NOS2: variants seen among roughly 807,000 people sequenced by gnomAD.
NOS2 encodes the protein nitric oxide synthase, inducible.
NOS2 carries 96 observed loss-of-function variants against 136.0 expected under a neutral mutation model. The ratio of observed to expected loss-of-function variants is 0.71; its 90% confidence interval spans 0.60 to 0.84. NOS2 has a LOEUF of 0.84. Among genes scored for constraint, NOS2 ranks in the 40% least tolerant of loss-of-function variants. The pLI, the probability that NOS2 is intolerant of heterozygous loss-of-function variation, is 0.00. For synonymous variants in NOS2, 539 were observed against 587.5 expected (o/e 0.92, Z 1.20); for missense variants, 1,237 against 1,496.9 (o/e 0.83, Z 2.87).
chr17:27,760,714 G>A lies in NOS2; in HGVS notation c.2919C>T (p.Pro973=). The A allele has an allele frequency of 6.5e-7, 1 of 1,550,200 alleles. No homozygotes were observed. The highest frequency in any genetic ancestry group is 1.2e-5 in the South Asian group (1 of 84,012). Residue 973 remains proline (P), a synonymous_variant, in exon 24 of 27, where the codon CCC becomes CCT. Coordinates refer to ENST00000313735, the MANE Select transcript of NOS2 (RefSeq NM_000625.4). ...NASGFHLPED[P]SHPCILIGPG... ...GCCCGATGAGGATGCAAGGATGGGA[G>A]GGATCCTCGGGGAGGTGGAAGCCGC...
rs535449381 is a variant in NOS2, at chr17:27,760,068, C to T, written c.3121G>A (p.Val1041Met). The change falls in exon 25 of 27, where the codon GTG (valine) becomes ATG (methionine). Residue 1041 changes from valine (V) to methionine (M), a missense_variant. Around this residue, in one of 3 missense-constraint regions of NOS2, gnomAD observed 782 missense variants for 909.9 expected, o/e 0.86. Transcript: ENST00000313735. ...GGCAGGCGGGAATAGGCTGTGTGCACCGCATGCAGCACCCCCTTCTGGGCC... is the reference window on the plus strand; with the variant it reads ...GGCAGGCGGGAATAGGCTGTGTGCATCGCATGCAGCACCCCCTTCTGGGCC... ...EMAQKGVLHA[V>M]HTAYSRLPGK... 1.3e-6 allele frequency: 2 copies of T among 1,594,624 alleles called. No homozygotes were observed. The highest frequency in any genetic ancestry group is 2.3e-5 in the South Asian group (2 of 88,430).
rs1480946865 is a variant in NOS2 at position 27,773,237 on chromosome 17, C to T, written c.1483G>A (p.Ala495Thr). Reference protein sequence around the residue: ...LSPFYYYQVEAWKTHVWQDEK... With the variant: ...LSPFYYYQVETWKTHVWQDEK... ...TCCTGCCAGACATGGGTTTTCCAGG[C>T]CTCTACCTTCAGAAAAGAAAGGAGA... The change falls in exon 13 of 27, where the codon GCC becomes ACC. Residue 495 changes from alanine to threonine, a missense_variant. By Grantham distance (58) the Ala-to-Thr change is moderately conservative. Coordinates refer to ENST00000313735, the MANE Select transcript of NOS2 (RefSeq NM_000625.4). 1 of 1,612,958 alleles carries T rather than the reference C, an allele frequency of 6.2e-7. No individual in the cohort carries two copies. The highest frequency in any genetic ancestry group is 2.2e-5 in the East Asian group (1 of 44,886).
At chr17:27,772,199 C>A in intron 14 of NOS2, 109 bp downstream of exon 14, 1 of 1,217,290 alleles carries the variant, frequency 8.2e-7, no homozygotes, top group Non-Finnish European at 1.2e-6. Context: ...ATGCACATTA[C>A]CACATCCAAG....
chr17:27,786,575 G>A (rs1167390791), intron 5 of NOS2, among the ~76,000 whole-genome samples: 2 of 152,162 alleles, frequency 1.3e-5, no homozygotes, highest in Admixed American at 6.5e-5. Flanking sequence ...TTTGGACAAC[G>A]CAGTGTTCTA....
At chr17:27,792,129 T>C (rs1190797781) in intron 2 of NOS2, among the ~76,000 whole-genome samples, 2 of 152,248 alleles carry the variant, frequency 1.3e-5, no homozygotes, top group Admixed American at 6.5e-5. Context: ...AGTATCACTT[T>C]TAAAAGTTGG....
At chr17:27,776,386 C>A (rs1908658792) in intron 11 of NOS2, among the ~76,000 whole-genome samples, 1 of 152,164 alleles carries the variant, frequency 6.6e-6, no homozygotes, top group Non-Finnish European at 1.5e-5. Flanking sequence ...TCAGTGGTAG[C>A]TACAGGATGG....
chr17:27,759,851 C>T (rs1161432982), intron 25 of NOS2, among the ~76,000 whole-genome samples, 179 bp downstream of exon 25: 1 of 152,176 alleles, frequency 6.6e-6, no homozygotes, highest in African/African-American at 2.4e-5. Flanking sequence ...CCAGGTCTGT[C>T]GCTTCTGCTG....
rs374380268 is a variant in NOS2, at chr17:27,798,649, G to C, written c.110+51C>G. 1.0e-4 allele frequency: 117 copies of C among 1,128,558 alleles called. 1 individual carries two copies. The highest frequency in any genetic ancestry group is 4.4e-4 in the Admixed American group (26 of 59,256). 69.9% of individuals were successfully genotyped at this position (1,128,558 alleles called of 1,614,324 possible). A position where few individuals can be genotyped will look rare whatever the true frequency, so the allele number is the denominator to read the frequency against. On this transcript the variant is annotated intron_variant, in intron 2 of 26. Transcript: ENST00000313735. ...AATTCTGAGTCATCGGTGCCGACAG[G>C]GCATGGGTGCCCAAGGAGACAAGCA...
At chr17:27,759,505 T>G (rs1908043730) in intron 25 of NOS2, among the ~76,000 whole-genome samples, 1 of 152,098 alleles carries the variant, frequency 6.6e-6, no homozygotes, top group Non-Finnish European at 1.5e-5. Flanking sequence ...AGTCAGGGAC[T>G]CTCTGCTCCT....
chr17:27,788,833 G>A lies in NOS2; in HGVS notation c.294C>T (p.Asp98=), dbSNP rs1371623137. The A allele has an allele frequency of 6.2e-6, 10 of 1,614,034 alleles. 1 individual carries two copies. Among genetic ancestry groups the A allele is most frequent in the Middle Eastern group, 1.6e-4 (1 of 6,080 alleles). Residue 98 remains aspartate (D), a synonymous_variant, in exon 4 of 27, where the codon GAC becomes GAT. Transcript: ENST00000313735. ...KNWGSGMTFQ[D]TLHHKAKGIL... is the part of the protein sequence containing the mutation. The stretch of plus-strand genomic sequence containing the variant: ...CCCCTTTGGCCTTATGGTGAAGTGT[G>A]TCTTGGAAAGTCATCCCGCTGCCCC...
At chr17:27,798,413 C>T (rs1433064766) in intron 2 of NOS2, among the ~76,000 whole-genome samples, 1 of 151,534 alleles carries the variant, frequency 6.6e-6, no homozygotes, top group Non-Finnish European at 1.5e-5. Context: ...TCTACTGCCT[C>T]CCATTCTCAG....
In NOS2 at chr17:27,762,789, CT is replaced by C. The variant is rs778302567; in HGVS notation, c.2800+8del. On this transcript the variant is annotated splice_region_variant and intron_variant, in intron 22 of 26. Coordinates refer to ENST00000313735, the MANE Select transcript of NOS2 (RefSeq NM_000625.4). ...CGGGGCTGTTCCAGAGCCTCTGCCCCTGGCTCACCTCGGGTGTGGTAGGTGA... is the reference window on the plus strand; with the variant it reads ...CGGGGCTGTTCCAGAGCCTCTGCCCCGGCTCACCTCGGGTGTGGTAGGTGA... 8.4e-6 allele frequency: 13 copies of C among 1,542,352 alleles called. No homozygotes were observed. The highest frequency in any genetic ancestry group is 6.9e-5 in the African/African-American group (5 of 72,658).
At position 27,783,034 on chromosome 17, in the gene NOS2, T is replaced by C. The variant is rs1908902512; in HGVS notation, c.540A>G (p.Gln180=). The stretch of plus-strand genomic sequence containing the variant: ...CGAAGATGAGCTCATCTCCCGTCAG[T>C]TGGTAGGTTCCTGTTGTTTCTATCT... ...TKEIETTGTY[Q]LTGDELIFAT... is the part of the protein sequence containing the mutation. The change falls in exon 6 of 27, where the codon CAA becomes CAG. Residue 180 remains glutamine, a synonymous_variant. Transcript: ENST00000313735. 2.5e-6 allele frequency: 4 copies of C among 1,614,062 alleles called. No homozygotes were observed. Among genetic ancestry groups the C allele is most frequent in the South Asian group, 2.2e-5 (2 of 91,080 alleles).
At chr17:27,769,399 T>A in intron 16 of NOS2, 136 bp downstream of exon 16, 1 of 809,952 alleles carries the variant, frequency 1.2e-6, no homozygotes, top group Non-Finnish European at 2.1e-6. Flanking sequence ...ACATTCTGAG[T>A]ACAGACCTTA....
intron 14 of NOS2, among the ~76,000 whole-genome samples, chr17:27,772,007 C>A (rs1466697887): frequency 6.6e-6 from 1 of 152,220 alleles, no homozygotes; most frequent in Non-Finnish European, 1.5e-5. Context: ...CTGCATCCTG[C>A]AGAGCAGGTG....
intron 2 of NOS2, among the ~76,000 whole-genome samples, chr17:27,790,896 A>G (rs533937978): frequency 2.0e-5 from 3 of 152,186 alleles, no homozygotes; most frequent in Non-Finnish European, 4.4e-5. Flanking sequence ...CTTGGTTTGA[A>G]AGCATATTGT....
chr17:27,781,284 G>T, intron 7 of NOS2, 107 bp from the exon 8 acceptor site: 3 of 1,298,610 alleles, frequency 2.3e-6, no homozygotes, highest in South Asian at 1.5e-5. Context: ...TGCAGCCCCT[G>T]ATCCCAAGCT....
chr17:27,789,466 C>T (rs1909124276), intron 3 of NOS2, 138 bp downstream of exon 3: 3 of 689,896 alleles, frequency 4.3e-6, no homozygotes, highest in South Asian at 1.7e-5. Flanking sequence ...CCCCCCAACA[C>T]CCCGGGTCTG....
chr17:27,778,421 T>C (rs1908729849), intron 11 of NOS2, among the ~76,000 whole-genome samples: 1 of 152,136 alleles, frequency 6.6e-6, no homozygotes, highest in Admixed American at 6.5e-5. Flanking sequence ...TGTACACTGC[T>C]GGGAATGACT....
Sources: allele counts gnomAD v4.1 joint callset (sites outside exome capture counted in the v4.1 genomes callset), GRCh38; gene constraint gnomAD v4.1.1; regional missense constraint gnomAD v4.1.1; transcripts MANE v1.5; gene names NCBI Gene and HGNC (gene_info 2026-07-23, HGNC 2026-07-21).